PRELID2: variants seen among roughly 807,000 people sequenced by gnomAD.
The protein encoded by PRELID2 is PRELI domain-containing protein 2.
PRELID2 carries 25 observed loss-of-function variants against 28.4 expected under a neutral mutation model. The observed-to-expected ratio is 0.88, with a 90% CI of 0.64 to 1.23. PRELID2 has a LOEUF of 1.23. PRELID2 is among the 50% of genes most tolerant of loss of function. The probability of loss-of-function intolerance (pLI) is 0.00; values close to 1 mark genes in which losing one functional copy is unlikely to be tolerated. For synonymous variants in PRELID2, 76 were observed against 71.6 expected (o/e 1.06, Z -0.31); for missense variants, 201 against 214.4 (o/e 0.94, Z 0.39).
rs147141644 is a variant in PRELID2 at position 145,807,460 on chromosome 5, G to A, written c.368+10434C>T. On this transcript the variant is annotated intron_variant, in intron 4 of 6. Coordinates refer to ENST00000683046, the MANE Select transcript of PRELID2 (RefSeq NM_205846.3). Reference sequence around the variant, plus strand: ...CATTTATTCGGTGCTTCATAAATGCGCAGAGCATGTCTATTTTTTATCTTA... The same window carrying A: ...CATTTATTCGGTGCTTCATAAATGCACAGAGCATGTCTATTTTTTATCTTA... Among the ~76,000 whole-genome samples the A allele has an allele frequency of 1.2e-3, 186 of 152,116 alleles. 2 individuals are homozygous for A. Among genetic ancestry groups the A allele is most frequent in the African/African-American group, 4.3e-3 (178 of 41,500 alleles).
the PRELID2 span, among the ~76,000 whole-genome samples, chr5:145,234,216 T>C: frequency 6.6e-6 from 1 of 152,178 alleles, no homozygotes; most frequent in East Asian, 1.9e-4. Flanking sequence ...ATCAGAAATA[T>C]ACTAATTCTT....
At chr5:145,281,043 C>A in the PRELID2 span, among the ~76,000 whole-genome samples, 1 of 152,098 alleles carries the variant, frequency 6.6e-6, no homozygotes, top group Non-Finnish European at 1.5e-5. Context: ...CACCATTCTG[C>A]ATTCTTCTTT....
intron 6 of PRELID2, among the ~76,000 whole-genome samples, chr5:145,761,848 C>T (rs1757490908): frequency 6.6e-6 from 1 of 152,076 alleles, no homozygotes; most frequent in South Asian, 2.1e-4. Flanking sequence ...TTTTACAACA[C>T]ATGAAAACAG....
At chr5:145,393,921 C>G in the PRELID2 span, among the ~76,000 whole-genome samples, 2 of 152,092 alleles carry the variant, frequency 1.3e-5, no homozygotes, top group Non-Finnish European at 2.9e-5. Context: ...TTAAAAACCA[C>G]CAGATTTAAT....
chr5:145,562,589 A>C (rs1230769971), intron 1 of PRELID2, among the ~76,000 whole-genome samples: 1 of 152,226 alleles, frequency 6.6e-6, no homozygotes, highest in African/African-American at 2.4e-5. Context: ...AAGGGCAGGA[A>C]TGTAGGCAAG....
intron 5 of PRELID2, among the ~76,000 whole-genome samples, chr5:145,773,169 A>G (rs560504839): frequency 6.6e-6 from 1 of 152,342 alleles, no homozygotes; most frequent in Admixed American, 6.5e-5. Flanking sequence ...AAGTCTAAAA[A>G]CTGGAAAGGA....
chr5:145,615,574 C>T (rs1339503646), intron 1 of PRELID2, among the ~76,000 whole-genome samples: 1 of 116,932 alleles, frequency 8.6e-6, no homozygotes, highest in East Asian at 2.5e-4. Context: ...GATCTGCCCG[C>T]CTCGGCCTCC....
At chr5:145,471,219 A>C (rs929884630), downstream of PRELID2, among the ~76,000 whole-genome samples, 21 of 152,138 alleles carry the variant, frequency 1.4e-4, no homozygotes, top group Admixed American at 5.2e-4. Flanking sequence ...GGAAGCTATA[A>C]AAATCTCTCT....
intron 1 of PRELID2, among the ~76,000 whole-genome samples, chr5:145,604,749 T>G (rs1414432115): frequency 1.7e-3 from 153 of 90,598 alleles, no homozygotes; most frequent in African/African-American, 0.012. Flanking sequence ...TTTTTTTTGG[T>G]TTTTTTTTTT....
intron 1 of PRELID2, among the ~76,000 whole-genome samples, chr5:145,607,369 T>G (rs879213573): frequency 2.6e-5 from 4 of 152,168 alleles, no homozygotes; most frequent in Non-Finnish European, 5.9e-5. Context: ...TCTAACTTTT[T>G]GATGTGGGCT....
chr5:145,711,043 C>T (rs557537942), intron 1 of PRELID2, among the ~76,000 whole-genome samples: 3 of 152,204 alleles, frequency 2.0e-5, no homozygotes, highest in South Asian at 2.1e-4. Flanking sequence ...TTTGTTTACA[C>T]CCCTTGACCC....
chr5:145,307,423 T>C, the PRELID2 span, among the ~76,000 whole-genome samples: 5 of 152,282 alleles, frequency 3.3e-5, no homozygotes, highest in African/African-American at 9.6e-5. Context: ...CTGATTACAC[T>C]TGTTGAAGAC....
chr5:145,449,337 A>T, the PRELID2 span, among the ~76,000 whole-genome samples: 2 of 152,012 alleles, frequency 1.3e-5, no homozygotes, highest in Non-Finnish European at 2.9e-5. Context: ...ACTGGGATGG[A>T]TGGGGAGCTG....
intron 1 of PRELID2, among the ~76,000 whole-genome samples, chr5:145,558,335 T>A (rs1009349285): frequency 5.3e-5 from 8 of 152,284 alleles, no homozygotes; most frequent in Non-Finnish European, 8.8e-5. Flanking sequence ...ACTTCATTGT[T>A]GTTATACCCA....
At chr5:145,520,231 C>A (rs1452368364) in intron 1 of PRELID2, among the ~76,000 whole-genome samples, 1 of 152,168 alleles carries the variant, frequency 6.6e-6, no homozygotes, top group African/African-American at 2.4e-5. Flanking sequence ...CATTTGGAGG[C>A]ATTTCCCCTG....
intron 1 of PRELID2, among the ~76,000 whole-genome samples, chr5:145,741,488 TAAATTATATATAA>T (rs1269343918): frequency 3.3e-5 from 4 of 122,122 alleles, no homozygotes; most frequent in African/African-American, 6.6e-5. Flanking sequence ...TATTTATAAA[TAAATTATATATAA>T]AATTTATTTA....
intron 1 of PRELID2, among the ~76,000 whole-genome samples, chr5:145,699,073 A>G (rs1755348180): frequency 1.3e-5 from 2 of 152,146 alleles, no homozygotes. Flanking sequence ...TAGCAATTCA[A>G]CATAAGAATC....
At chr5:145,352,781 C>T in the PRELID2 span, among the ~76,000 whole-genome samples, 1 of 152,054 alleles carries the variant, frequency 6.6e-6, no homozygotes, top group Non-Finnish European at 1.5e-5. Flanking sequence ...TGCCAGATAC[C>T]CTAAATCATC....
At chr5:145,768,269 G>C (rs1170991706) in intron 5 of PRELID2, among the ~76,000 whole-genome samples, 1 of 150,622 alleles carries the variant, frequency 6.6e-6, no homozygotes, top group East Asian at 1.9e-4. Flanking sequence ...GGGGATTGGG[G>C]ACAAGGGACG....
Sources: gnomAD v4.1 joint callset for allele counts (sites outside exome capture counted in the v4.1 genomes callset) on GRCh38, gnomAD v4.1.1 for gene constraint, MANE v1.5 for transcripts, NCBI Gene and HGNC (gene_info 2026-07-23, HGNC 2026-07-21) for gene names.